Variants in DSE observed in about 807,000 individuals in gnomAD.
DSE encodes the protein dermatan sulfate epimerase.
Under a neutral mutation model 84.4 loss-of-function variants are expected in DSE, and 36 were observed. The ratio of observed to expected loss-of-function variants is 0.43; its 90% CI spans 0.33 to 0.56. The LOEUF (loss-of-function observed/expected upper bound fraction) is 0.56, where lower values mean the gene tolerates loss of function less well. Ranked by LOEUF, DSE falls within the 20% of genes least tolerant of loss-of-function variation. DSE has a pLI of 0.06. For missense variants in DSE, 862 were observed against 1,169.6 expected, an observed-to-expected ratio of 0.74 and a Z score of 3.84; for synonymous variants, 410 against 430.1, an observed-to-expected ratio of 0.95 and a Z score of 0.58.
chr6:116,272,317 C>A (rs1033582756), intron 2 of DSE, among the ~76,000 whole-genome samples: 1 of 152,114 alleles, frequency 6.6e-6, no homozygotes, highest in Non-Finnish European at 1.5e-5. Context: ...CAACAAATAC[C>A]AAGTATCTAT....
Position 116,431,069 on chromosome 6 carries a change from C to A in DSE, c.786C>A (p.Gly262=). ...DGSLYEGVAY[G]SYTTRSLFQY... is the part of the protein sequence containing the mutation. ...CCCTCTATGAAGGAGTTGCGTATGG[C>A]AGCTACACCACTAGATCACTCTTCC... Residue 262 remains glycine (G), a synonymous_variant, in exon 4 of 6, where the codon GGC becomes GGA. Transcript: ENST00000644252. 1 of 1,614,176 alleles carries A rather than the reference C, an allele frequency of 6.2e-7. No homozygotes were observed. The highest frequency in any genetic ancestry group is 8.5e-7 in the Non-Finnish European group (1 of 1,180,040).
At position 116,385,604 on chromosome 6, in the gene DSE, A is replaced by C. The variant is rs565025319; in HGVS notation, c.-53-13594A>C. On this transcript the variant is annotated intron_variant, in intron 1 of 5. Transcript: ENST00000644252. Reference sequence around the variant, plus strand: ...CTGAGTTGGGGAAGTCTAAGAAGGCAGTGCCTACGTCTTTGGGTTAACTAC... The same window carrying C: ...CTGAGTTGGGGAAGTCTAAGAAGGCCGTGCCTACGTCTTTGGGTTAACTAC... Among the ~76,000 whole-genome samples the C allele has an allele frequency of 1.1e-4, 17 of 152,278 alleles. No homozygotes were observed. The South Asian group carries it at 3.5e-3, about 32-fold the overall frequency.
intron 2 of DSE, among the ~76,000 whole-genome samples, chr6:116,341,337 C>G (rs554525757): frequency 6.6e-6 from 1 of 152,010 alleles, no homozygotes; most frequent in African/African-American, 2.4e-5. Context: ...TAATTTTTTT[C>G]GTGTAAATTT....
intron 2 of DSE, among the ~76,000 whole-genome samples, chr6:116,357,303 C>A (rs879699134): frequency 6.6e-6 from 1 of 152,058 alleles, no homozygotes; most frequent in Non-Finnish European, 1.5e-5. Context: ...GAGGCCAAGG[C>A]GGGTGGATGA....
intron 2 of DSE, among the ~76,000 whole-genome samples, chr6:116,318,842 C>T (rs1002997092): frequency 6.6e-6 from 1 of 152,104 alleles, no homozygotes; most frequent in Non-Finnish European, 1.5e-5. Context: ...ATAATGCTAA[C>T]GTATCCTACA....
intron 2 of DSE, chr6:116,412,393 TCTC>T (rs1782433032): frequency 6.6e-6 from 1 of 152,344 alleles, no homozygotes; most frequent in South Asian, 2.1e-4. Flanking sequence ...ACTTCTCTGA[TCTC>T]CTGGGTTCCT....
intron 2 of DSE, chr6:116,280,026 A>G: frequency 1.1e-5 from 8 of 723,720 alleles, no homozygotes; most frequent in Non-Finnish European, 1.5e-5. Context: ...CTGCCAGCCA[A>G]CCGGATTCTC....
At chr6:116,391,301 A>G (rs1186131565) in intron 1 of DSE, among the ~76,000 whole-genome samples, 4 of 152,168 alleles carry the variant, frequency 2.6e-5, no homozygotes, top group Admixed American at 2.0e-4. Flanking sequence ...TAAGGTGGTG[A>G]ACACCGTTAT....
intron 2 of DSE, among the ~76,000 whole-genome samples, chr6:116,405,506 T>C (rs369798258): frequency 1.3e-5 from 2 of 152,156 alleles, no homozygotes; most frequent in South Asian, 2.1e-4. Flanking sequence ...CCCTTTCTCT[T>C]ACCCTTCCCC....
intron 2 of DSE, among the ~76,000 whole-genome samples, chr6:116,404,336 T>G (rs920560869): frequency 1.3e-5 from 2 of 152,214 alleles, no homozygotes; most frequent in African/African-American, 2.4e-5. Flanking sequence ...TAAAAGAGGT[T>G]TAGGATAGGA....
intron 2 of DSE, among the ~76,000 whole-genome samples, chr6:116,425,703 A>G (rs1783400410): frequency 6.7e-6 from 1 of 149,172 alleles, no homozygotes; most frequent in Non-Finnish European, 1.5e-5. Flanking sequence ...GCTCACTGCA[A>G]GCTCCGCCTC....
intron 2 of DSE, among the ~76,000 whole-genome samples, chr6:116,363,042 TC>T (rs1373897048): frequency 6.6e-6 from 1 of 152,176 alleles, no homozygotes; most frequent in Non-Finnish European, 1.5e-5. Flanking sequence ...CCTAGAACTT[TC>T]AGTTTCCAGA....
intron 2 of DSE, among the ~76,000 whole-genome samples, chr6:116,263,909 G>C (rs1319309211): frequency 1.3e-5 from 2 of 152,166 alleles, no homozygotes; most frequent in South Asian, 4.1e-4. Context: ...TTTTAAGAAT[G>C]TTGAACATTG....
intron 2 of DSE, among the ~76,000 whole-genome samples, chr6:116,269,384 T>G (rs1384055678): frequency 1.3e-5 from 2 of 152,210 alleles, no homozygotes; most frequent in African/African-American, 4.8e-5. Flanking sequence ...AAGAATTACA[T>G]TAAATAAACA....
intron 2 of DSE, among the ~76,000 whole-genome samples, chr6:116,282,254 CCA>C (rs1257735648): frequency 6.6e-6 from 1 of 152,192 alleles, no homozygotes; most frequent in African/African-American, 2.4e-5. Context: ...TTGGAACTTT[CCA>C]CAAAGACTGT....
intron 2 of DSE, chr6:116,279,521 G>T (rs1773362737): frequency 6.2e-7 from 1 of 1,608,040 alleles, no homozygotes. Flanking sequence ...CCTTCGGCGG[G>T]AGGCTGGCCC....
intron 5 of DSE, 105 bp from the exon 6 acceptor site, chr6:116,435,482 C>A: frequency 2.6e-6 from 3 of 1,150,838 alleles, no homozygotes; most frequent in South Asian, 1.6e-5. Flanking sequence ...TCTGCACTGC[C>A]AGTGCTCTGG....
intron 2 of DSE, chr6:116,279,291 C>T: frequency 6.5e-7 from 1 of 1,535,626 alleles, no homozygotes; most frequent in South Asian, 1.1e-5. Context: ...CCTTCTCCGC[C>T]AGGCCTTCCT....
At chr6:116,278,317 G>C in intron 2 of DSE, 1 of 633,398 alleles carries the variant, frequency 1.6e-6, no homozygotes, top group Non-Finnish European at 2.8e-6. Context: ...ACAGCATGAA[G>C]GTCATATGGA....
Sources: allele counts gnomAD v4.1 joint callset (sites outside exome capture counted in the v4.1 genomes callset), GRCh38; gene constraint gnomAD v4.1.1; transcripts MANE v1.5; gene names NCBI Gene and HGNC (gene_info 2026-07-23, HGNC 2026-07-21).